RGS7: variants seen among roughly 807,000 people sequenced by gnomAD.
RGS7 encodes regulator of G protein signaling 7, also known as regulator of G-protein signaling 7.
In RGS7, 27 loss-of-function variants were observed where a neutral mutation model predicts 81.1. The observed-to-expected ratio is 0.33, with a 90% CI of 0.25 to 0.46. The LOEUF is 0.46. RGS7 is among the 20% of genes least tolerant of loss of function. The pLI, the probability that RGS7 is intolerant of heterozygous loss-of-function variation, is 1.00. For missense variants in RGS7, 396 were observed against 607.4 expected, an observed-to-expected ratio of 0.65 and a Z score of 3.66; for synonymous variants, 208 against 207.7, an observed-to-expected ratio of 1.00 and a Z score of -0.01.
intron 2 of RGS7, among the ~76,000 whole-genome samples, chr1:241,252,874 A>AGC (rs1182661742): frequency 6.6e-6 from 1 of 152,196 alleles, no homozygotes; most frequent in Admixed American, 6.5e-5. Context: ...ATCTCCCCAA[A>AGC]GCACACTGCC....
In RGS7 at chr1:241,215,465, G is replaced by A. The variant is rs567396548; in HGVS notation, c.79-116703C>T. On this transcript the variant is annotated intron_variant, in intron 2 of 18. Coordinates refer to ENST00000440928, the MANE Select transcript of RGS7 (RefSeq NM_001364886.1). Reference sequence around the variant, plus strand: ...CTCTAGGGCTCCTTGACTATTTCCCGAATAAATGAGCAGGTCAGGAGTCAA... The same window carrying A: ...CTCTAGGGCTCCTTGACTATTTCCCAAATAAATGAGCAGGTCAGGAGTCAA... 1.7e-4 allele frequency among the ~76,000 whole-genome samples: 26 copies of A among 152,234 alleles called. No homozygotes were observed. The South Asian group carries it at 4.4e-3, about 25-fold the overall frequency.
At chr1:241,148,999 C>A (rs1216778083) in intron 2 of RGS7, among the ~76,000 whole-genome samples, 1 of 152,220 alleles carries the variant, frequency 6.6e-6, no homozygotes, top group Non-Finnish European at 1.5e-5. Context: ...TCCAACAGGG[C>A]ATCACTGGAT....
rs190633393 is a variant in RGS7 at position 241,227,707 on chromosome 1, A to T, written c.78+127992T>A. On this transcript the variant is annotated intron_variant, in intron 2 of 18. Transcript: ENST00000440928. Reference sequence around the variant, plus strand: ...GAGTGAGCCATGATTGCTCCACTACATTACACCGTACTCCTAGGTAACACA... The same window carrying T: ...GAGTGAGCCATGATTGCTCCACTACTTTACACCGTACTCCTAGGTAACACA... Among the ~76,000 whole-genome samples, 91 of 152,182 alleles carry T rather than the reference A, an allele frequency of 6.0e-4. 1 individual carries two copies. Among genetic ancestry groups the T allele is most frequent in the African/African-American group, 2.0e-3 (84 of 41,520 alleles).
chr1:241,025,544 A>G (rs2059740651), intron 3 of RGS7, among the ~76,000 whole-genome samples: 1 of 152,214 alleles, frequency 6.6e-6, no homozygotes, highest in East Asian at 1.9e-4. Flanking sequence ...TGGCATGCCT[A>G]CTGCCTAGGG....
intron 3 of RGS7, among the ~76,000 whole-genome samples, chr1:241,075,590 C>T (rs1028245002): frequency 2.6e-5 from 4 of 152,024 alleles, no homozygotes; most frequent in Middle Eastern, 3.4e-3. Context: ...ACTAACGATA[C>T]CTGATAAGAA....
At chr1:240,825,052 T>G (rs1692560034) in intron 10 of RGS7, among the ~76,000 whole-genome samples, 1 of 152,200 alleles carries the variant, frequency 6.6e-6, no homozygotes, top group Non-Finnish European at 1.5e-5. Flanking sequence ...CCACCTAGTT[T>G]GTGGCATTTT....
intron 3 of RGS7, among the ~76,000 whole-genome samples, chr1:241,094,282 C>T (rs1253286103): frequency 2.0e-5 from 3 of 149,578 alleles, no homozygotes; most frequent in Non-Finnish European, 3.0e-5. Context: ...CACACAGAGT[C>T]ACACACACAC....
intron 2 of RGS7, among the ~76,000 whole-genome samples, chr1:241,188,219 A>C: frequency 1.0e-5 from 1 of 99,308 alleles, no homozygotes; most frequent in African/African-American, 2.7e-5. Flanking sequence ...TACAATTATT[A>C]TGTGTCAATA....
At chr1:241,078,054 T>C (rs1227693226) in intron 3 of RGS7, among the ~76,000 whole-genome samples, 2 of 150,588 alleles carry the variant, frequency 1.3e-5, no homozygotes, top group African/African-American at 2.4e-5. Flanking sequence ...TTATATGTCA[T>C]ATAAAATATA....
intron 2 of RGS7, among the ~76,000 whole-genome samples, chr1:241,230,647 C>A (rs1231699542): frequency 1.3e-5 from 2 of 152,208 alleles, no homozygotes; most frequent in Non-Finnish European, 2.9e-5. Flanking sequence ...CTGTACAATG[C>A]CTGAGCATTT....
In RGS7 at chr1:240,937,896, T is replaced by C. The variant is rs543252375; in HGVS notation, c.227-1190A>G. The stretch of plus-strand genomic sequence containing the variant: ...GAGTAGGAAGAGATTTATTGGACAA[T>C]GTAAACATATAGTCTGAAACTAAGG... On this transcript the variant is annotated intron_variant, in intron 4 of 18. Transcript: ENST00000440928. Among the ~76,000 whole-genome samples, 3 of 152,338 alleles carry C rather than the reference T, an allele frequency of 2.0e-5. No individual in the cohort carries two copies. In the South Asian group the frequency reaches 6.2e-4, roughly 32 times the overall value.
intron 6 of RGS7, chr1:240,920,691 C>CA: frequency 1.5e-6 from 1 of 687,288 alleles, no homozygotes. Context: ...TTTGTGAACT[C>CA]AGCCAAGCAC....
At chr1:241,133,790 C>T (rs994196768) in intron 2 of RGS7, among the ~76,000 whole-genome samples, 5 of 152,138 alleles carry the variant, frequency 3.3e-5, no homozygotes, top group Non-Finnish European at 7.4e-5. Flanking sequence ...CCAGTTAATA[C>T]CAAGTTTAGG....
intron 6 of RGS7, among the ~76,000 whole-genome samples, chr1:240,928,064 C>T (rs1458565347): frequency 6.6e-6 from 1 of 152,196 alleles, no homozygotes; most frequent in East Asian, 1.9e-4. Flanking sequence ...CACCTTTCCT[C>T]CACAACAACC....
intron 2 of RGS7, among the ~76,000 whole-genome samples, chr1:241,304,322 G>A (rs1040716888): frequency 6.6e-6 from 1 of 152,168 alleles, no homozygotes; most frequent in African/African-American, 2.4e-5. Flanking sequence ...ATCTAGGAGG[G>A]TGTTATGGCT....
chr1:240,950,993 CT>C (rs1679463079), intron 4 of RGS7, among the ~76,000 whole-genome samples: 1 of 151,522 alleles, frequency 6.6e-6, no homozygotes, highest in Admixed American at 6.6e-5. Context: ...GTGATCATGG[CT>C]CATTGCAGCC....
intron 2 of RGS7, among the ~76,000 whole-genome samples, chr1:241,300,845 C>G (rs1038926171): frequency 6.6e-6 from 1 of 152,176 alleles, no homozygotes. Flanking sequence ...AGTTTTCTTC[C>G]AAAGTGGCTG....
chr1:240,852,240 C>T (rs2147935129), intron 9 of RGS7, among the ~76,000 whole-genome samples: 2 of 152,272 alleles, frequency 1.3e-5, no homozygotes, highest in South Asian at 4.2e-4. Context: ...GAGGCAAGAT[C>T]TCCCACAAAC....
intron 3 of RGS7, among the ~76,000 whole-genome samples, chr1:241,081,677 GTTCA>G (rs1377136260): frequency 1.3e-5 from 2 of 152,350 alleles, no homozygotes; most frequent in African/African-American, 4.8e-5. Flanking sequence ...AGAACAGGAA[GTTCA>G]TTCCTATGAT....
Sources: allele counts gnomAD v4.1 joint callset (sites outside exome capture counted in the v4.1 genomes callset), GRCh38; gene constraint gnomAD v4.1.1; transcripts MANE v1.5; gene names NCBI Gene and HGNC (gene_info 2026-07-23, HGNC 2026-07-21).